Variants in EPHA6 observed in about 807,000 individuals in gnomAD.
EPHA6 encodes the protein ephrin type-A receptor 6.
Under a neutral mutation model 112.0 loss-of-function variants are expected in EPHA6, and 50 were observed. The observed-to-expected ratio is 0.45, with a 90% CI of 0.36 to 0.56. The LOEUF (loss-of-function observed/expected upper bound fraction) is 0.56. Among genes scored for constraint, EPHA6 ranks in the 20% least tolerant of loss-of-function variants. The pLI is 0.00. For synonymous variants in EPHA6, 529 were observed against 490.7 expected (o/e 1.08, Z -1.03); for missense variants, 1,280 against 1,417.4 (o/e 0.90, Z 1.56).
At chr3:97,042,037 T>C (rs1243669634) in intron 3 of EPHA6, among the ~76,000 whole-genome samples, 1 of 152,108 alleles carries the variant, frequency 6.6e-6, no homozygotes, top group African/African-American at 2.4e-5. Context: ...GTCATAGTTG[T>C]CCAGGGTATA....
At chr3:96,971,965 A>T (rs1478823133) in intron 2 of EPHA6, among the ~76,000 whole-genome samples, 1 of 152,138 alleles carries the variant, frequency 6.6e-6, no homozygotes. Context: ...TATACAAAAA[A>T]CCTGGCTAGA....
At chr3:96,989,506 T>A (rs1420590513) in intron 3 of EPHA6, among the ~76,000 whole-genome samples, 1 of 152,166 alleles carries the variant, frequency 6.6e-6, no homozygotes, top group African/African-American at 2.4e-5. Context: ...GGAGTTAGGA[T>A]CTAAAGATAT....
chr3:97,275,533 G>C (rs373446076), intron 5 of EPHA6, among the ~76,000 whole-genome samples: 15 of 151,604 alleles, frequency 9.9e-5, no homozygotes, highest in Admixed American at 4.6e-4. Flanking sequence ...GGTTTGGCAC[G>C]ACGGGGTGGA....
At chr3:97,439,594 A>G (rs919482116) in intron 6 of EPHA6, 1 of 1,004,798 alleles carries the variant, frequency 1.0e-6, no homozygotes, top group African/African-American at 1.7e-5. Context: ...TGTTGTCACA[A>G]TGGAGAATCC....
At chr3:97,307,442 TGGG>T (rs1029860522) in intron 5 of EPHA6, among the ~76,000 whole-genome samples, 2 of 151,812 alleles carry the variant, frequency 1.3e-5, no homozygotes, top group Non-Finnish European at 2.9e-5. Context: ...AATGTGTCAT[TGGG>T]CTATTTTTAT....
chr3:97,576,160 G>A (rs1410893642), intron 11 of EPHA6, among the ~76,000 whole-genome samples: 1 of 152,082 alleles, frequency 6.6e-6, no homozygotes, highest in African/African-American at 2.4e-5. Flanking sequence ...AAATTTTTCT[G>A]TGAAATATTT....
intron 3 of EPHA6, among the ~76,000 whole-genome samples, chr3:97,035,011 A>G (rs552397356): frequency 6.5e-4 from 99 of 152,118 alleles, no homozygotes; most frequent in East Asian, 7.7e-4. Context: ...TTCTAAGAAT[A>G]ATTTAAAAGT....
intron 1 of EPHA6, among the ~76,000 whole-genome samples, chr3:96,854,179 C>CTT (rs781751530): frequency 1.4e-4 from 19 of 131,246 alleles, no homozygotes; most frequent in East Asian, 4.3e-4. Flanking sequence ...TTAATCATGA[C>CTT]TTTTTTTTTT....
intron 14 of EPHA6, among the ~76,000 whole-genome samples, chr3:97,659,561 A>G (rs889388798): frequency 1.4e-4 from 22 of 151,944 alleles, no homozygotes; most frequent in African/African-American, 5.3e-4. Flanking sequence ...ATTGATACAC[A>G]TGGGGGAAAA....
intron 3 of EPHA6, among the ~76,000 whole-genome samples, chr3:97,183,939 A>C (rs1443550856): frequency 6.6e-6 from 1 of 152,136 alleles, no homozygotes; most frequent in Non-Finnish European, 1.5e-5. Flanking sequence ...AAATTTCATT[A>C]GCTGATCTTC....
At chr3:97,505,705 G>T (rs191149322) in intron 10 of EPHA6, among the ~76,000 whole-genome samples, 32 of 152,318 alleles carry the variant, frequency 2.1e-4, no homozygotes, top group African/African-American at 7.7e-4. Flanking sequence ...CATATACCCA[G>T]TAATGGGATT....
intron 11 of EPHA6, among the ~76,000 whole-genome samples, chr3:97,542,061 G>A (rs1361593595): frequency 6.6e-6 from 1 of 151,204 alleles, no homozygotes; most frequent in East Asian, 1.9e-4. Flanking sequence ...TAGACTGGGA[G>A]GCTAGGCCTG....
intron 1 of EPHA6, among the ~76,000 whole-genome samples, chr3:96,861,694 G>A (rs1266487140): frequency 6.6e-6 from 1 of 151,838 alleles, no homozygotes. Flanking sequence ...CACCCTCTAT[G>A]TTAAAAACAT....
At chr3:97,457,399 A>G (rs2090725109) in intron 7 of EPHA6, among the ~76,000 whole-genome samples, 1 of 152,102 alleles carries the variant, frequency 6.6e-6, no homozygotes, top group African/African-American at 2.4e-5. Flanking sequence ...TTTTAATTTT[A>G]TGTCCTGGTC....
chr3:97,630,855 T>A (rs1471563014), intron 13 of EPHA6, among the ~76,000 whole-genome samples: 4 of 151,974 alleles, frequency 2.6e-5, no homozygotes, highest in African/African-American at 9.7e-5. Context: ...TCCTCAAATA[T>A]AAAACTTTTA....
chr3:97,395,408 G>A (rs931684753), intron 5 of EPHA6, among the ~76,000 whole-genome samples: 3 of 151,684 alleles, frequency 2.0e-5, no homozygotes, highest in East Asian at 3.9e-4. Context: ...CATGTTCTCA[G>A]GTTTCAAAAA....
At chr3:97,592,565 T>A in intron 11 of EPHA6, 47 bp from the exon 12 acceptor site, 1 of 1,607,682 alleles carries the variant, frequency 6.2e-7, no homozygotes, top group Non-Finnish European at 8.5e-7. Flanking sequence ...ATCAATGCTT[T>A]TCCATAAAGA....
In EPHA6 at chr3:96,987,696, A is replaced by G. The variant is rs765985525; in HGVS notation, c.817A>G (p.Ile273Val). Residue 273 changes from isoleucine to valine, a missense_variant, in exon 3 of 18, where the codon ATA becomes GTA. Around this residue, in one of 4 missense-constraint regions of EPHA6, gnomAD observed 878 missense variants for 999.7 expected, o/e 0.88. Coordinates refer to ENST00000389672, the MANE Select transcript of EPHA6 (RefSeq NM_001080448.3). ...LNTEIREVGP[I>V]ERKGFYLAFQ... ...CACTGAAATTCGTGAGGTGGGGCCT[A>G]TAGAAAGGAAAGGATTTTATCTGGC... is the stretch of plus-strand genomic sequence containing the variant. 5 of 1,607,826 alleles carry G rather than the reference A, an allele frequency of 3.1e-6. 1 individual carries two copies. The South Asian group carries it at 5.5e-5, about 18-fold the overall frequency.
chr3:97,169,478 C>G (rs187130685), intron 3 of EPHA6, among the ~76,000 whole-genome samples: 116 of 152,176 alleles, frequency 7.6e-4, no homozygotes, highest in African/African-American at 2.6e-3. Flanking sequence ...TGATAATCTT[C>G]CTCTCCCTAT....
Sources: gnomAD v4.1 joint callset for allele counts (sites outside exome capture counted in the v4.1 genomes callset) on GRCh38, gnomAD v4.1.1 for gene constraint, gnomAD v4.1.1 regional missense constraint, MANE v1.5 for transcripts, NCBI Gene and HGNC (gene_info 2026-07-23, HGNC 2026-07-21) for gene names.